MS4A10: variants seen among roughly 807,000 people sequenced by gnomAD.
MS4A10 encodes membrane spanning 4-domains A10, also known as membrane-spanning 4-domains subfamily A member 10.
A neutral mutation model predicts 27.7 loss-of-function variants in MS4A10; 27 were observed. The observed-to-expected ratio is 0.98, with a 90% CI of 0.72 to 1.35. The LOEUF (loss-of-function observed/expected upper bound fraction) is 1.35. MS4A10 is among the 40% of genes most tolerant of loss of function. MS4A10 has a pLI of 0.00. For missense variants in MS4A10, 338 were observed against 324.7 expected (o/e 1.04, Z -0.32); for synonymous variants, 139 against 131.2 (o/e 1.06, Z -0.41).
In MS4A10 at chr11:60,788,202, C is replaced by G. The variant is rs117007989; in HGVS notation, c.-22-2112C>G. 5.9e-3 allele frequency among the ~76,000 whole-genome samples: 894 copies of G among 152,174 alleles called. 9 individuals carry two copies. The highest frequency in any genetic ancestry group is 0.043 in the East Asian group (225 of 5,174). ...TCTCAAACTTATTTGACCATGGAAC[C>G]CTTTTACTGCAGATACATCAGGACC... On this transcript the variant is annotated intron_variant, in intron 1 of 7. Coordinates refer to ENST00000308287, the MANE Select transcript of MS4A10 (RefSeq NM_206893.4).
At chr11:60,791,507 C>T (rs1374190906) in intron 3 of MS4A10, among the ~76,000 whole-genome samples, 1 of 152,208 alleles carries the variant, frequency 6.6e-6, no homozygotes, top group Non-Finnish European at 1.5e-5. Context: ...GGCTCCTGTC[C>T]TCCCAAGGCC....
chr11:60,799,651 T>C (rs1309772417), intron 7 of MS4A10, among the ~76,000 whole-genome samples, 177 bp from the exon 8 acceptor site: 1 of 152,198 alleles, frequency 6.6e-6, no homozygotes, highest in Non-Finnish European at 1.5e-5. Context: ...GCCATCACCC[T>C]TGCCCTTCCT....
chr11:60,795,411 C>T, intron 5 of MS4A10, 144 bp from the exon 6 acceptor site: 2 of 468,004 alleles, frequency 4.3e-6, no homozygotes, highest in Non-Finnish European at 7.5e-6. Flanking sequence ...CCCACCCTGC[C>T]TTCCCCACGC....
intron 6 of MS4A10, among the ~76,000 whole-genome samples, chr11:60,795,915 A>G (rs1854522915): frequency 6.6e-6 from 1 of 152,160 alleles, no homozygotes; most frequent in South Asian, 2.1e-4. Flanking sequence ...TGCCCAGAAC[A>G]AGAGGCTACT....
rs748646758 is a variant in MS4A10 at position 60,792,281 on chromosome 11, T to C, written c.320T>C (p.Ile107Thr). The stretch of plus-strand genomic sequence containing the variant: ...GTCCTGCAGTTTCTCATTTCAGGGA[T>C]CTTGGCGATAACAATGAAGACCTTT... ...WGAASFLISG[I>T]LAITMKTFSK... Residue 107 changes from isoleucine to threonine, a missense_variant, in exon 4 of 8, where the codon ATC becomes ACC. Coordinates refer to ENST00000308287, the MANE Select transcript of MS4A10 (RefSeq NM_206893.4). The C allele has an allele frequency of 1.2e-6, 2 of 1,613,758 alleles. No homozygotes were observed. The highest frequency in any genetic ancestry group is 1.7e-6 in the Non-Finnish European group (2 of 1,179,708).
Position 60,790,363 on chromosome 11 carries a change from A to C in MS4A10, c.28A>C (p.Ser10Arg). MKAEATVIP[S>R]RCARGLPSWQ... ...GAAAGCAGAAGCCACAGTTATTCCC[A>C]GCCGTTGTGCTAGGGGGCTCCCATC... The change falls in exon 2 of 8, where the codon AGC becomes CGC. Residue 10 changes from serine (S) to arginine (R), a missense_variant. Coordinates refer to ENST00000308287, the MANE Select transcript of MS4A10 (RefSeq NM_206893.4). 2 of 1,614,078 alleles carry C rather than the reference A, an allele frequency of 1.2e-6. No individual in the cohort carries two copies. Among genetic ancestry groups the C allele is most frequent in the Non-Finnish European group, 1.7e-6 (2 of 1,179,976 alleles).
At chr11:60,799,778 T>A (rs776876052) in intron 7 of MS4A10, 50 bp from the exon 8 acceptor site, 2 of 846,708 alleles carry the variant, frequency 2.4e-6, no homozygotes, top group East Asian at 2.6e-5. Flanking sequence ...AATCCTCCCA[T>A]CGATCTGTGA....
chr11:60,793,306 A>C (rs1854462625), intron 4 of MS4A10, among the ~76,000 whole-genome samples: 1 of 152,186 alleles, frequency 6.6e-6, no homozygotes, highest in Non-Finnish European at 1.5e-5. Context: ...TTAGAACCAC[A>C]GGCCTCTTGC....
chr11:60,787,942 G>A (rs77331053), intron 1 of MS4A10, among the ~76,000 whole-genome samples: 11,761 of 152,086 alleles, frequency 0.077, 484 homozygotes, highest in Non-Finnish European at 0.093. Context: ...ACTTGAACCC[G>A]GGAGGCGGAG....
chr11:60,793,551 A>G (rs2134752898), intron 4 of MS4A10, among the ~76,000 whole-genome samples: 1 of 152,344 alleles, frequency 6.6e-6, no homozygotes, highest in South Asian at 2.1e-4. Context: ...GGGCACTTTC[A>G]GAGCTCCTCC....
intron 1 of MS4A10, among the ~76,000 whole-genome samples, chr11:60,785,969 A>G (rs983201656): frequency 2.6e-5 from 4 of 152,108 alleles, no homozygotes; most frequent in African/African-American, 9.6e-5. Context: ...CACCAGGCAC[A>G]CTGTCTGGAA....
In MS4A10 at chr11:60,790,297, T is replaced by C. The variant is rs1854407102; in HGVS notation, c.-22-17T>C. ...GAAATGAGACGGGTTCTGACGGCCT[T>C]CCTCCCCGTCCTGCAGCCAGGGCCC... On this transcript the variant is annotated splice_polypyrimidine_tract_variant and intron_variant, in intron 1 of 7. Coordinates refer to ENST00000308287, the MANE Select transcript of MS4A10 (RefSeq NM_206893.4). 1 of 1,607,270 alleles carries C rather than the reference T, an allele frequency of 6.2e-7. No homozygotes were observed. The highest frequency in any genetic ancestry group is 1.7e-5 in the Admixed American group (1 of 59,734).
At chr11:60,795,431 A>C in intron 5 of MS4A10, 124 bp from the exon 6 acceptor site, 1 of 499,718 alleles carries the variant, frequency 2.0e-6, no homozygotes, top group Non-Finnish European at 3.4e-6. Context: ...CACACCTGGG[A>C]GCTGAAACCC....
intron 4 of MS4A10, 76 bp downstream of exon 4, chr11:60,792,397 G>T: frequency 1.8e-6 from 2 of 1,126,132 alleles, no homozygotes; most frequent in South Asian, 1.2e-5. Flanking sequence ...GTCTGTAGGG[G>T]TGATTGTGAG....
chr11:60,786,593 G>A (rs988883421), intron 1 of MS4A10, among the ~76,000 whole-genome samples: 1 of 151,754 alleles, frequency 6.6e-6, no homozygotes, highest in South Asian at 2.1e-4. Flanking sequence ...ACGAGGACAA[G>A]GTGGAGCCTC....
chr11:60,787,247 T>C (rs1751552813), intron 1 of MS4A10, among the ~76,000 whole-genome samples: 1 of 152,114 alleles, frequency 6.6e-6, no homozygotes, highest in African/African-American at 2.4e-5. Flanking sequence ...CTAAAAAAGT[T>C]CCTTTATGCA....
intron 1 of MS4A10, among the ~76,000 whole-genome samples, chr11:60,785,864 G>C (rs1854326748): frequency 6.6e-6 from 1 of 152,092 alleles, no homozygotes; most frequent in East Asian, 1.9e-4. Context: ...GGCCACGAGG[G>C]GGCAGGACTA....
intron 2 of MS4A10, 145 bp from the exon 3 acceptor site, chr11:60,790,829 T>G: frequency 8.3e-7 from 1 of 1,201,132 alleles, no homozygotes; most frequent in Non-Finnish European, 1.2e-6. Context: ...TCCTGGGGAG[T>G]GGTCCTTCTT....
rs1591002515 is a variant in MS4A10, at chr11:60,798,872, C to T, written c.722+358C>T. ...CCCCCATGCCCTCTGGCCTCCCTTGCCTGCCTTCTCTGATCAATGGTGGAT... is the reference window on the plus strand; with the variant it reads ...CCCCCATGCCCTCTGGCCTCCCTTGTCTGCCTTCTCTGATCAATGGTGGAT... On this transcript the variant is annotated intron_variant, in intron 7 of 7. Transcript: ENST00000308287. Among the ~76,000 whole-genome samples, 3 of 152,324 alleles carry T rather than the reference C, an allele frequency of 2.0e-5. No individual in the cohort carries two copies. In the East Asian group the frequency reaches 5.8e-4, roughly 29 times the overall value.
Sources: allele counts gnomAD v4.1 joint callset (sites outside exome capture counted in the v4.1 genomes callset), GRCh38; gene constraint gnomAD v4.1.1; transcripts MANE v1.5; gene names NCBI Gene and HGNC (gene_info 2026-07-23, HGNC 2026-07-21).